The following TDRD6 variants were observed in gnomAD, a reference collection of about 807,000 sequenced individuals.
TDRD6 encodes tudor domain containing 6.
A neutral mutation model predicts 157.5 loss-of-function variants in TDRD6; 186 were observed. That is an observed-to-expected ratio of 1.18 (90% CI 1.05 to 1.33). TDRD6 has a LOEUF of 1.33. TDRD6 is among the 40% of genes most tolerant of loss of function. The probability of loss-of-function intolerance (pLI) is 0.00; values close to 1 mark genes in which losing one functional copy is unlikely to be tolerated. For synonymous variants in TDRD6, 1,075 were observed against 945.2 expected, an observed-to-expected ratio of 1.14 and a Z score of -2.52; for missense variants, 3,066 against 2,508.0, an observed-to-expected ratio of 1.22 and a Z score of -4.75.
chr6:46,693,434 G>T lies in TDRD6; in HGVS notation c.5306G>T (p.Arg1769Leu), dbSNP rs773043011. ...ATTGGAACCAAACCAAGTAACTTCC[G>T]TGACCCTAAAACTGATAACATTTGT... ...NIIGTKPSNF[R>L]DPKTDNICEG... The change falls in exon 1 of 4, where the codon CGT becomes CTT. Residue 1769 changes from arginine (R) to leucine (L), a missense_variant. Physicochemically the swap from Arg to Leu is moderately radical, Grantham distance 102 (BLOSUM62 -2). Transcript: ENST00000316081. 4.5e-5 allele frequency: 73 copies of T among 1,613,942 alleles called. No homozygotes were observed. Among genetic ancestry groups the T allele is most frequent in the Non-Finnish European group, 6.2e-5 (73 of 1,180,012 alleles).
rs139861733 is a variant in TDRD6 at position 46,690,622 on chromosome 6, C to A, written c.2494C>A (p.Gln832Lys). 4.3e-6 allele frequency: 7 copies of A among 1,614,060 alleles called. No individual in the cohort carries two copies. The African/African-American group carries it at 8.0e-5, about 18-fold the overall frequency. ...ACLAKRTVNRQWSRALISGIQ... is the reference protein window; with the variant it reads ...ACLAKRTVNRKWSRALISGIQ... Reference sequence around the variant, plus strand: ...TTTGGCTAAGCGAACAGTAAACAGACAGTGGTCCAGAGCACTTATTAGTGG... The same window carrying A: ...TTTGGCTAAGCGAACAGTAAACAGAAAGTGGTCCAGAGCACTTATTAGTGG... The change falls in exon 1 of 4, where the codon CAG (glutamine) becomes AAG (lysine). Residue 832 changes from glutamine (Q) to lysine (K), a missense_variant. Gln to Lys is a moderately conservative substitution (Grantham distance 53). Transcript: ENST00000316081.
At chr6:46,694,798 T>C (rs556224363) in intron 1 of TDRD6, among the ~76,000 whole-genome samples, 7 of 152,320 alleles carry the variant, frequency 4.6e-5, no homozygotes, top group African/African-American at 1.7e-4. Context: ...TGGTAAGTTT[T>C]ATAAAACATG....
In TDRD6 at chr6:46,688,457, G is replaced by T; in HGVS notation, c.329G>T (p.Gly110Val). The change falls in exon 1 of 4, where the codon GGC becomes GTC. Residue 110 changes from glycine (G) to valine (V), a missense_variant. By Grantham distance (109) the Gly-to-Val change is moderately radical (BLOSUM62 -3). Transcript: ENST00000316081. ...GGCCGCACCATCACGGCCGGAGCAG[G>T]CTCGCTGGCGCCTGGGCGCAGAGAG... ...DEGRTITAGAGSLAPGRREFF... is the reference protein window; with the variant it reads ...DEGRTITAGAVSLAPGRREFF... The T allele has an allele frequency of 6.5e-7, 1 of 1,543,374 alleles. No homozygotes were observed. The highest frequency in any genetic ancestry group is 1.2e-5 in the South Asian group (1 of 84,360).
intron 1 of TDRD6, 82 bp downstream of exon 1, chr6:46,694,256 G>A: frequency 9.5e-7 from 1 of 1,051,316 alleles, no homozygotes; most frequent in South Asian, 1.8e-5. Flanking sequence ...AGGCTGGAGT[G>A]CAGTGGTGTG....
intron 3 of TDRD6, 67 bp from the exon 4 acceptor site, chr6:46,701,791 C>A (rs1764631758): frequency 6.5e-7 from 1 of 1,529,708 alleles, no homozygotes; most frequent in Non-Finnish European, 9.0e-7. Flanking sequence ...TGGTAACACC[C>A]ATGGAAATAA....
At chr6:46,684,006 T>C (rs563732984), upstream of TDRD6, among the ~76,000 whole-genome samples, 226 of 152,272 alleles carry the variant, frequency 1.5e-3, 1 homozygote, top group African/African-American at 5.3e-3. Context: ...TATGCCGTTA[T>C]ATCCATTTTC....
upstream of TDRD6, among the ~76,000 whole-genome samples, chr6:46,687,415 T>G (rs1764123883): frequency 6.6e-6 from 1 of 152,022 alleles, no homozygotes; most frequent in Non-Finnish European, 1.5e-5. Context: ...TCAATTCAGA[T>G]GATGGAACAG....
At position 46,688,650 on chromosome 6, in the gene TDRD6, G is replaced by C; in HGVS notation, c.522G>C (p.Leu174=). The change falls in exon 1 of 4, where the codon CTG becomes CTC. Residue 174 remains leucine (L), a synonymous_variant. Coordinates refer to ENST00000316081, the MANE Select transcript of TDRD6 (RefSeq NM_001010870.3). ...TGCACGGGTGCGTCCTGGACGTGCT[G>C]CTGCTCCATCGCCTGGTCCTCCTGG... ...KEVHGCVLDV[L]LLHRLVLLEV... The C allele has an allele frequency of 6.3e-7, 1 of 1,599,510 alleles. No homozygotes were observed. The highest frequency in any genetic ancestry group is 8.5e-7 in the Non-Finnish European group (1 of 1,179,884).
rs141766739 is a variant in TDRD6, at chr6:46,689,068, G to T, written c.940G>T (p.Gly314Cys). Residue 314 changes from glycine to cysteine, a missense_variant, in exon 1 of 4, where the codon GGC becomes TGC. Physicochemically the swap from Gly to Cys is radical, Grantham distance 159 (BLOSUM62 -3). Transcript: ENST00000316081. Reference sequence around the variant, plus strand: ...GAGGGAGGAGAGCCCAGATAAGCCGGGCTCTCCGTGTGCATCCTGTGGCCT... The same window carrying T: ...GAGGGAGGAGAGCCCAGATAAGCCGTGCTCTCCGTGTGCATCCTGTGGCCT... ...EEREESPDKP[G>C]SPCASCGLDG... The T allele has an allele frequency of 4.3e-5, 70 of 1,614,102 alleles. No homozygotes were observed. In the African/African-American group the frequency reaches 9.2e-4, roughly 21 times the overall value.
intron 2 of TDRD6, among the ~76,000 whole-genome samples, chr6:46,697,510 A>G (rs1334382784): frequency 6.6e-6 from 1 of 152,184 alleles, no homozygotes; most frequent in Non-Finnish European, 1.5e-5. Context: ...GATACTCTAC[A>G]TATGTTTGGG....
rs959234833 is a variant in TDRD6, at chr6:46,703,388, A to G, written c.*1501A>G. 2 of 152,130 alleles carry G rather than the reference A, an allele frequency of 1.3e-5. No individual in the cohort carries two copies. The highest frequency in any genetic ancestry group is 4.8e-5 in the African/African-American group (2 of 41,468). 9.4% of individuals were successfully genotyped at this position (152,130 alleles called of 1,614,324 possible). A position where few individuals can be genotyped will look rare whatever the true frequency, so the allele number is the denominator to read the frequency against. On this transcript the variant is annotated 3_prime_UTR_variant, in exon 4 of 4. Transcript: ENST00000316081. ...ATAGACAAGTTTGGCTTACTCATAT[A>G]GATAATATAATGTGAATTGCCAGAA...
chr6:46,696,589 A>G (rs1450925682), intron 2 of TDRD6, among the ~76,000 whole-genome samples: 1 of 31,832 alleles, frequency 3.1e-5, no homozygotes, highest in Non-Finnish European at 7.0e-5. Flanking sequence ...GTGTATATAT[A>G]TATATATATA....
chr6:46,683,241 G>T (rs73471189), upstream of TDRD6, among the ~76,000 whole-genome samples: 436 of 152,008 alleles, frequency 2.9e-3, 1 homozygote, highest in African/African-American at 0.01. Context: ...ACAAATGGCA[G>T]TATAACAATT....
At position 46,693,319 on chromosome 6, in the gene TDRD6, AAATT is replaced by A. The variant is rs1562058168; in HGVS notation, c.5194_5197del (p.Leu1732ValfsTer21). On this transcript the variant is annotated frameshift_variant, in exon 1 of 4. Transcript: ENST00000316081. LOFTEE classifies it high-confidence loss of function. ...CTACAATCTTGATGTAGGACTTAAGAAATTAAGTAATAAAGCTGTACAAAATAAA... is the reference window on the plus strand; with the variant it reads ...CTACAATCTTGATGTAGGACTTAAGAAAGTAATAAAGCTGTACAAAATAAA... The A allele has an allele frequency of 2.5e-6, 4 of 1,604,894 alleles. No homozygotes were observed. The Admixed American group carries it at 7.0e-5, about 28-fold the overall frequency.
intron 3 of TDRD6, chr6:46,700,914 G>T: frequency 6.0e-6 from 2 of 335,814 alleles, no homozygotes; most frequent in Non-Finnish European, 1.2e-5. Flanking sequence ...ATCTTTTCTG[G>T]CTTATCTGTG....
chr6:46,682,520 A>G, the TDRD6 span, among the ~76,000 whole-genome samples: 45 of 152,064 alleles, frequency 3.0e-4, 1 homozygote, highest in East Asian at 8.1e-3. Flanking sequence ...AAAGGCACAT[A>G]TATTAGAAAA....
chr6:46,686,958 GTTGTAT>G (rs1289049057), upstream of TDRD6, among the ~76,000 whole-genome samples: 1 of 152,216 alleles, frequency 6.6e-6, no homozygotes, highest in African/African-American at 2.4e-5. Flanking sequence ...GCACTGCCTT[GTTGTAT>G]TTGTATGTAA....
At chr6:46,701,795 GA>G in intron 3 of TDRD6, 62 bp from the exon 4 acceptor site, 1 of 1,567,204 alleles carries the variant, frequency 6.4e-7, no homozygotes, top group African/African-American at 1.4e-5. Context: ...AACACCCATG[GA>G]AATAAATTTT....
At chr6:46,700,536 A>G (rs1169888572) in intron 3 of TDRD6, among the ~76,000 whole-genome samples, 1 of 152,154 alleles carries the variant, frequency 6.6e-6, no homozygotes, top group Non-Finnish European at 1.5e-5. Context: ...ATTTTACCAT[A>G]AGAGTATTTT....
Sources: gnomAD v4.1 joint callset for allele counts (sites outside exome capture counted in the v4.1 genomes callset) on GRCh38, gnomAD v4.1.1 for gene constraint, MANE v1.5 for transcripts, NCBI Gene and HGNC (gene_info 2026-07-23, HGNC 2026-07-21) for gene names.